Variants in DPYD observed in about 807,000 individuals in gnomAD.
DPYD encodes dihydropyrimidine dehydrogenase.
Under a neutral mutation model 116.2 loss-of-function variants are expected in DPYD, and 109 were observed. The ratio of observed to expected loss-of-function variants is 0.94; its 90% CI spans 0.80 to 1.10. The LOEUF (loss-of-function observed/expected upper bound fraction) is 1.10. DPYD is among the 50% of genes least tolerant of loss of function. The pLI is 0.00. For missense variants in DPYD, 1,302 were observed against 1,254.5 expected (o/e 1.04, Z -0.57); for synonymous variants, 440 against 432.0 (o/e 1.02, Z -0.23).
intron 2 of DPYD, among the ~76,000 whole-genome samples, chr1:97,870,897 A>C (rs896099466): frequency 1.3e-5 from 2 of 151,842 alleles, no homozygotes; most frequent in African/African-American, 4.8e-5. Context: ...TCCACCGATT[A>C]GTGTTTGAAT....
intron 3 of DPYD, among the ~76,000 whole-genome samples, chr1:97,815,972 A>G (rs956012064): frequency 6.6e-5 from 10 of 152,192 alleles, no homozygotes; most frequent in Non-Finnish European, 1.0e-4. Flanking sequence ...TTCCCAGTTC[A>G]CTGCATATCT....
At chr1:97,380,386 G>A (rs1487087240) in intron 15 of DPYD, among the ~76,000 whole-genome samples, 1 of 152,128 alleles carries the variant, frequency 6.6e-6, no homozygotes, top group Middle Eastern at 3.2e-3. Flanking sequence ...CTACTAATTT[G>A]ACACAAGCAG....
At chr1:97,460,803 C>A (rs1275848484) in intron 13 of DPYD, among the ~76,000 whole-genome samples, 1 of 152,040 alleles carries the variant, frequency 6.6e-6, no homozygotes, top group African/African-American at 2.4e-5. Flanking sequence ...CTTTGGGAGA[C>A]CAAGGTGGGC....
At chr1:97,325,876 A>G (rs1451231842) in intron 16 of DPYD, among the ~76,000 whole-genome samples, 2 of 151,958 alleles carry the variant, frequency 1.3e-5, no homozygotes, top group Non-Finnish European at 2.9e-5. Context: ...GGAAGCAGGG[A>G]GGAGACATGT....
At chr1:97,777,838 A>C (rs770154082) in intron 3 of DPYD, among the ~76,000 whole-genome samples, 14 of 152,000 alleles carry the variant, frequency 9.2e-5, no homozygotes, top group Non-Finnish European at 1.3e-4. Flanking sequence ...ACAACCCTCA[A>C]GTTTTTCTCT....
At chr1:97,400,449 T>A (rs1218349538) in intron 14 of DPYD, among the ~76,000 whole-genome samples, 1 of 152,170 alleles carries the variant, frequency 6.6e-6, no homozygotes, top group Non-Finnish European at 1.5e-5. Flanking sequence ...GGTATCAGGA[T>A]GATGCTGGCC....
At chr1:97,134,257 A>G (rs1381686770) in intron 20 of DPYD, among the ~76,000 whole-genome samples, 7 of 151,700 alleles carry the variant, frequency 4.6e-5, no homozygotes, top group African/African-American at 9.7e-5. Flanking sequence ...TTGAGTTATT[A>G]ATGTATTTCC....
chr1:97,142,600 T>C (rs1654307649), intron 20 of DPYD, among the ~76,000 whole-genome samples: 1 of 152,140 alleles, frequency 6.6e-6, no homozygotes, highest in Non-Finnish European at 1.5e-5. Flanking sequence ...CCTTCATCAG[T>C]AGTAGACTTA....
chr1:97,527,706 A>G (rs769078461), intron 12 of DPYD, among the ~76,000 whole-genome samples: 59 of 148,526 alleles, frequency 4.0e-4, no homozygotes, highest in Non-Finnish European at 6.8e-4. Flanking sequence ...ATGTGTAATG[A>G]TTATGTTGTT....
intron 7 of DPYD, among the ~76,000 whole-genome samples, chr1:97,680,581 T>C (rs1408410475): frequency 1.3e-5 from 2 of 152,170 alleles, no homozygotes; most frequent in African/African-American, 4.8e-5. Context: ...TCACAGAGTA[T>C]AGATAAGAAT....
chr1:97,406,776 C>A (rs1486112221), intron 14 of DPYD, among the ~76,000 whole-genome samples: 12 of 152,100 alleles, frequency 7.9e-5, no homozygotes, highest in Admixed American at 3.3e-4. Context: ...CATAGCATGT[C>A]TGGTATTGAT....
At chr1:97,717,064 T>A (rs563384528) in intron 5 of DPYD, among the ~76,000 whole-genome samples, 1 of 152,198 alleles carries the variant, frequency 6.6e-6, no homozygotes, top group Non-Finnish European at 1.5e-5. Context: ...CAAGCATTTG[T>A]CATTTATTTG....
At chr1:97,711,722 TG>T (rs2101002941) in intron 5 of DPYD, among the ~76,000 whole-genome samples, 2 of 152,148 alleles carry the variant, frequency 1.3e-5, no homozygotes, top group South Asian at 4.1e-4. Flanking sequence ...TGTGTATAAA[TG>T]TTTATGAATA....
At chr1:97,489,084 T>C (rs767171238) in intron 13 of DPYD, among the ~76,000 whole-genome samples, 4 of 152,218 alleles carry the variant, frequency 2.6e-5, no homozygotes, top group Non-Finnish European at 5.9e-5. Context: ...ACCTGCATCA[T>C]CACCACTATT....
intron 8 of DPYD, among the ~76,000 whole-genome samples, chr1:97,606,742 G>T (rs1394767640): frequency 3.3e-5 from 5 of 152,034 alleles, no homozygotes; most frequent in Non-Finnish European, 7.4e-5. Flanking sequence ...CAAATTGGTA[G>T]TAGTATATAG....
intron 8 of DPYD, among the ~76,000 whole-genome samples, chr1:97,648,135 T>C (rs1329733436): frequency 6.6e-6 from 1 of 152,048 alleles, no homozygotes; most frequent in Non-Finnish European, 1.5e-5. Context: ...GAGTCAATTG[T>C]CATAGTTTTG....
At chr1:97,487,115 T>G (rs899923312) in intron 13 of DPYD, among the ~76,000 whole-genome samples, 2 of 152,190 alleles carry the variant, frequency 1.3e-5, no homozygotes, top group African/African-American at 4.8e-5. Flanking sequence ...ATTTATTTAT[T>G]GACCCATTTG....
chr1:97,655,901 T>A (rs1179578052), intron 8 of DPYD, among the ~76,000 whole-genome samples: 1 of 152,136 alleles, frequency 6.6e-6, no homozygotes, highest in Non-Finnish European at 1.5e-5. Context: ...ATGAAAAGGG[T>A]TAGCATGCCT....
intron 8 of DPYD, among the ~76,000 whole-genome samples, chr1:97,678,377 T>G (rs1660256752): frequency 6.6e-6 from 1 of 152,136 alleles, no homozygotes; most frequent in Non-Finnish European, 1.5e-5. Context: ...GCCCCGAGTT[T>G]GGGGACCCCG....
Sources: gnomAD v4.1 joint callset for allele counts (sites outside exome capture counted in the v4.1 genomes callset) on GRCh38, gnomAD v4.1.1 for gene constraint, MANE v1.5 for transcripts, NCBI Gene and HGNC (gene_info 2026-07-23, HGNC 2026-07-21) for gene names.